The following INPP4B variants were observed in gnomAD, a reference collection of about 807,000 sequenced individuals.
The protein encoded by INPP4B is inositol polyphosphate 4-phosphatase type II.
In INPP4B, 55 loss-of-function variants were observed where a neutral mutation model predicts 122.5. The ratio of observed to expected loss-of-function variants is 0.45; its 90% CI spans 0.36 to 0.56. The LOEUF (loss-of-function observed/expected upper bound fraction) is 0.56. Ranked by LOEUF, INPP4B falls within the 20% of genes least tolerant of loss-of-function variation. INPP4B has a pLI of 0.00. For missense variants in INPP4B, 1,000 were observed against 1,097.7 expected (o/e 0.91, Z 1.26); for synonymous variants, 403 against 388.7 (o/e 1.04, Z -0.43).
rs138432094 is a variant in INPP4B, at chr4:142,773,988, T to A, written c.-253-48087A>T. On this transcript the variant is annotated intron_variant, in intron 1 of 25. Transcript: ENST00000262992. ...AAAACTGAGATGATAACATCCAATA[T>A]TAAAACCATGGTGGGTTTTATGTCT... 2.4e-4 allele frequency among the ~76,000 whole-genome samples: 36 copies of A among 152,244 alleles called. No homozygotes were observed. The South Asian group carries it at 3.5e-3, about 15-fold the overall frequency.
chr4:142,671,898 T>C (rs967960349), intron 2 of INPP4B, among the ~76,000 whole-genome samples: 9 of 152,130 alleles, frequency 5.9e-5, no homozygotes, highest in African/African-American at 2.2e-4. Context: ...AAATATTGCC[T>C]CATGCTCCTC....
At chr4:142,602,874 G>A (rs1392528032) in intron 2 of INPP4B, among the ~76,000 whole-genome samples, 2 of 152,100 alleles carry the variant, frequency 1.3e-5, no homozygotes, top group Admixed American at 6.5e-5. Flanking sequence ...ATACCCAAAG[G>A]AATATAGATC....
At chr4:142,639,324 A>G (rs1473430403) in intron 2 of INPP4B, among the ~76,000 whole-genome samples, 1 of 152,188 alleles carries the variant, frequency 6.6e-6, no homozygotes, top group African/African-American at 2.4e-5. Context: ...ATGTGATTGT[A>G]GAGAATTGAT....
intron 4 of INPP4B, among the ~76,000 whole-genome samples, 177 bp downstream of exon 4, chr4:142,430,992 C>A (rs570842898): frequency 6.6e-6 from 1 of 152,178 alleles, no homozygotes; most frequent in East Asian, 1.9e-4. Flanking sequence ...AGAGGCATAT[C>A]ATACACTCAT....
intron 25 of INPP4B, among the ~76,000 whole-genome samples, chr4:142,072,253 A>T (rs10008714): frequency 6.6e-6 from 1 of 151,822 alleles, no homozygotes; most frequent in Non-Finnish European, 1.5e-5. Flanking sequence ...GCCAAACACC[A>T]CATGTTCTCA....
intron 7 of INPP4B, among the ~76,000 whole-genome samples, chr4:142,361,531 G>A (rs1041325079): frequency 6.6e-6 from 1 of 151,960 alleles, no homozygotes; most frequent in African/African-American, 2.4e-5. Context: ...TGATGTGTAA[G>A]TGAATATATA....
intron 18 of INPP4B, among the ~76,000 whole-genome samples, chr4:142,136,148 G>T (rs72933296): frequency 2.6e-5 from 4 of 152,076 alleles, no homozygotes; most frequent in Admixed American, 6.5e-5. Context: ...GTGGGGCTAC[G>T]TGAGTACAGA....
intron 3 of INPP4B, among the ~76,000 whole-genome samples, chr4:142,436,190 G>A (rs1810469603): frequency 6.6e-6 from 1 of 152,154 alleles, no homozygotes; most frequent in East Asian, 1.9e-4. Flanking sequence ...CCTCCTCACT[G>A]GGCGAGGCCT....
At chr4:142,631,086 G>A (rs927497454) in intron 2 of INPP4B, among the ~76,000 whole-genome samples, 57 of 151,980 alleles carry the variant, frequency 3.8e-4, no homozygotes, top group African/African-American at 1.3e-3. Context: ...TGGACACAAG[G>A]CAATAAATCA....
At chr4:142,676,644 T>C (rs1757831308) in intron 2 of INPP4B, among the ~76,000 whole-genome samples, 1 of 152,068 alleles carries the variant, frequency 6.6e-6, no homozygotes, top group Non-Finnish European at 1.5e-5. Context: ...TAAACAGATA[T>C]ATAGACCAAT....
At chr4:142,613,773 C>T (rs1743083348) in intron 2 of INPP4B, among the ~76,000 whole-genome samples, 3 of 152,150 alleles carry the variant, frequency 2.0e-5, no homozygotes, top group Admixed American at 1.3e-4. Flanking sequence ...CATTTAATAA[C>T]TTAGTCCTAC....
At chr4:142,642,848 T>C (rs559859790) in intron 2 of INPP4B, among the ~76,000 whole-genome samples, 2 of 152,328 alleles carry the variant, frequency 1.3e-5, no homozygotes, top group African/African-American at 4.8e-5. Flanking sequence ...AATCTATAAA[T>C]TACCTTGGGC....
At chr4:142,505,603 A>G (rs1224776542) in intron 2 of INPP4B, among the ~76,000 whole-genome samples, 1 of 152,196 alleles carries the variant, frequency 6.6e-6, no homozygotes, top group South Asian at 2.1e-4. Flanking sequence ...GCCACATAGT[A>G]AGAGCTCAAT....
intron 12 of INPP4B, among the ~76,000 whole-genome samples, chr4:142,211,950 T>TAA (rs1845092155): frequency 2.0e-5 from 3 of 152,092 alleles, no homozygotes; most frequent in African/African-American, 7.2e-5. Context: ...ATATAGTTAA[T>TAA]GGTGTTAAGA....
chr4:142,560,176 C>T (rs67900719), intron 2 of INPP4B, among the ~76,000 whole-genome samples: 38,036 of 152,090 alleles, frequency 0.25, 5,918 homozygotes, highest in East Asian at 0.77. Flanking sequence ...ATCTAATCCT[C>T]AATGCTAACA....
intron 17 of INPP4B, among the ~76,000 whole-genome samples, 196 bp downstream of exon 17, chr4:142,160,162 G>A (rs1425698741): frequency 6.6e-6 from 1 of 151,844 alleles, no homozygotes; most frequent in South Asian, 2.1e-4. Context: ...TAATTCATTG[G>A]CTAGCAAATA....
chr4:142,384,549 T>C (rs2130253), intron 7 of INPP4B, among the ~76,000 whole-genome samples: 110,685 of 152,148 alleles, frequency 0.73, 41,003 homozygotes, highest in East Asian at 0.88. Flanking sequence ...TACAGTACAC[T>C]TACAGTACTA....
chr4:142,470,922 T>C (rs1269208016), intron 2 of INPP4B, among the ~76,000 whole-genome samples: 1 of 152,222 alleles, frequency 6.6e-6, no homozygotes, highest in Non-Finnish European at 1.5e-5. Flanking sequence ...AATCTTTGAA[T>C]AAATTGCATT....
intron 2 of INPP4B, among the ~76,000 whole-genome samples, chr4:142,574,170 T>A (rs538983009): frequency 6.6e-6 from 1 of 152,216 alleles, no homozygotes; most frequent in Admixed American, 6.5e-5. Flanking sequence ...TCCAACATTA[T>A]ATCCAGCTGT....
Sources: gnomAD v4.1 joint callset for allele counts (sites outside exome capture counted in the v4.1 genomes callset) on GRCh38, gnomAD v4.1.1 for gene constraint, MANE v1.5 for transcripts, NCBI Gene and HGNC (gene_info 2026-07-23, HGNC 2026-07-21) for gene names.